NXN: variants seen among roughly 807,000 people sequenced by gnomAD.
NXN encodes the protein nucleoredoxin 1.
A neutral mutation model predicts 48.6 loss-of-function variants in NXN; 16 were observed. That is an observed-to-expected ratio of 0.33 (90% CI 0.22 to 0.50). The LOEUF (loss-of-function observed/expected upper bound fraction) is 0.50, where lower values mean the gene tolerates loss of function less well. NXN is among the 20% of genes least tolerant of loss of function. The pLI, the probability that NXN is intolerant of heterozygous loss-of-function variation, is 0.98. For missense variants in NXN, 492 were observed against 605.5 expected, an observed-to-expected ratio of 0.81 and a Z score of 1.97; for synonymous variants, 281 against 269.6, an observed-to-expected ratio of 1.04 and a Z score of -0.41.
At chr17:944,099 T>C (rs959173382) in intron 1 of NXN, among the ~76,000 whole-genome samples, 8 of 149,944 alleles carry the variant, frequency 5.3e-5, no homozygotes, top group African/African-American at 1.7e-4. Context: ...ATTAGCTGGG[T>C]GTGGTGACGG....
At chr17:816,498 G>A (rs751146465) in intron 5 of NXN, among the ~76,000 whole-genome samples, 69 of 152,040 alleles carry the variant, frequency 4.5e-4, no homozygotes, top group Non-Finnish European at 1.3e-4. Flanking sequence ...TGCTTGGTCC[G>A]TTCCTACTTG....
intron 1 of NXN, among the ~76,000 whole-genome samples, chr17:886,964 T>G (rs1353177151): frequency 1.3e-5 from 2 of 152,026 alleles, no homozygotes; most frequent in South Asian, 2.1e-4. Context: ...CAGGCTGGAG[T>G]GCAGTGGAGT....
chr17:806,013 G>A lies in NXN; in HGVS notation c.821-766C>T, dbSNP rs545578200. 2.9e-4 allele frequency among the ~76,000 whole-genome samples: 44 copies of A among 152,204 alleles called. 1 individual carries two copies. In the South Asian group the frequency reaches 8.9e-3, roughly 31 times the overall value. ...CTTGCTGTGGCCACCGATGCAAGAC[G>A]GGTCCTCGCCCGGCCACAGTGAGCG... is the stretch of plus-strand genomic sequence containing the variant. On this transcript the variant is annotated intron_variant, in intron 5 of 7. Transcript: ENST00000336868.
intron 5 of NXN, among the ~76,000 whole-genome samples, chr17:812,189 A>C (rs1159926774): frequency 6.6e-6 from 1 of 151,802 alleles, no homozygotes; most frequent in Non-Finnish European, 1.5e-5. Context: ...GGCCTCCCAA[A>C]GTGCTGGGAT....
intron 3 of NXN, 104 bp from the exon 4 acceptor site, chr17:822,561 A>G: frequency 2.6e-6 from 2 of 755,208 alleles, no homozygotes; most frequent in Non-Finnish European, 4.6e-6. Context: ...GGACTGGGAC[A>G]GCAAAATCCC....
intron 1 of NXN, among the ~76,000 whole-genome samples, chr17:868,281 C>T (rs538856315): frequency 6.2e-4 from 94 of 152,278 alleles, no homozygotes; most frequent in Non-Finnish European, 1.2e-3. Flanking sequence ...TCCCTCTATC[C>T]CAGCCACCCT....
intron 1 of NXN, among the ~76,000 whole-genome samples, chr17:970,574 G>A (rs558076617): frequency 4.6e-5 from 7 of 152,286 alleles, no homozygotes; most frequent in African/African-American, 1.2e-4. Context: ...ATCTCAGAGC[G>A]GTCCCTGCAC....
At chr17:904,499 A>G (rs936888783) in intron 1 of NXN, among the ~76,000 whole-genome samples, 8 of 152,044 alleles carry the variant, frequency 5.3e-5, no homozygotes, top group African/African-American at 1.7e-4. Context: ...GACCCAACAC[A>G]TTCCCATCAG....
chr17:865,872 A>G (rs980524860), intron 1 of NXN, among the ~76,000 whole-genome samples: 1 of 152,070 alleles, frequency 6.6e-6, no homozygotes, highest in Non-Finnish European at 1.5e-5. Flanking sequence ...AATCCCAGCT[A>G]CTCAGGAGGC....
chr17:840,574 CGTG>C (rs1914105319), intron 1 of NXN, among the ~76,000 whole-genome samples: 1 of 152,142 alleles, frequency 6.6e-6, no homozygotes, highest in Non-Finnish European at 1.5e-5. Context: ...CTCCTGACCT[CGTG>C]ATCCGCCCGC....
chr17:819,420 C>T lies in NXN; in HGVS notation c.820+19G>A, dbSNP rs764839342. 31 of 1,601,072 alleles carry T rather than the reference C, an allele frequency of 1.9e-5. No homozygotes were observed. Among genetic ancestry groups the T allele is most frequent in the South Asian group, 1.8e-4 (16 of 90,844 alleles). On this transcript the variant is annotated intron_variant, in intron 5 of 7. Coordinates refer to ENST00000336868, the MANE Select transcript of NXN (RefSeq NM_022463.5). ...CAGGTTTCCAGGAGCCACACGGAGC[C>T]GGGGCCTGGAGCGCCTACCTTGGAT...
intron 1 of NXN, among the ~76,000 whole-genome samples, chr17:827,407 G>A (rs1251404000): frequency 6.6e-6 from 1 of 152,146 alleles, no homozygotes; most frequent in African/African-American, 2.4e-5. Flanking sequence ...TGGATCACGA[G>A]GCCAGGAGAT....
intron 1 of NXN, among the ~76,000 whole-genome samples, chr17:969,509 A>G (rs945020264): frequency 3.9e-5 from 6 of 152,232 alleles, no homozygotes; most frequent in African/African-American, 1.4e-4. Flanking sequence ...CGCTGCACTC[A>G]CAGCTACATT....
At chr17:929,100 CT>C (rs1194787907) in intron 1 of NXN, among the ~76,000 whole-genome samples, 3 of 152,206 alleles carry the variant, frequency 2.0e-5, no homozygotes, top group Admixed American at 6.5e-5. Context: ...GCATGTAAAA[CT>C]TAACTAGCTT....
At chr17:973,236 G>A (rs764401450) in intron 1 of NXN, among the ~76,000 whole-genome samples, 7 of 152,100 alleles carry the variant, frequency 4.6e-5, no homozygotes, top group African/African-American at 4.8e-5. Context: ...AACCCATCCC[G>A]CAGCATTCCA....
chr17:871,468 G>A (rs779599338), intron 1 of NXN, among the ~76,000 whole-genome samples: 14 of 135,354 alleles, frequency 1.0e-4, no homozygotes, highest in Admixed American at 2.6e-4. Flanking sequence ...GCAGCAGCAC[G>A]ATCTCAGCTC....
intron 1 of NXN, among the ~76,000 whole-genome samples, chr17:953,808 G>A (rs1218138439): frequency 2.0e-5 from 3 of 151,968 alleles, no homozygotes; most frequent in Admixed American, 6.6e-5. Context: ...GTGGTGACAC[G>A]CGCCTGTAGT....
intron 5 of NXN, among the ~76,000 whole-genome samples, chr17:815,331 T>G (rs188482009): frequency 1.7e-4 from 26 of 149,338 alleles, no homozygotes; most frequent in Non-Finnish European, 5.9e-5. Flanking sequence ...TGAGGGCGAG[T>G]GTCCACTCTA....
At chr17:868,788 G>C (rs1239632959) in intron 1 of NXN, among the ~76,000 whole-genome samples, 4 of 152,170 alleles carry the variant, frequency 2.6e-5, no homozygotes, top group African/African-American at 7.2e-5. Context: ...CACCGCACCC[G>C]GTCGAAACTA....
Sources: gnomAD v4.1 joint callset for allele counts (sites outside exome capture counted in the v4.1 genomes callset) on GRCh38, gnomAD v4.1.1 for gene constraint, MANE v1.5 for transcripts, NCBI Gene and HGNC (gene_info 2026-07-23, HGNC 2026-07-21) for gene names.